DDX10: variants seen among roughly 807,000 people sequenced by gnomAD.
The protein encoded by DDX10 is probable ATP-dependent RNA helicase DDX10.
A neutral mutation model predicts 104.3 loss-of-function variants in DDX10; 74 were observed. That is an observed-to-expected ratio of 0.71 (90% CI 0.59 to 0.86). DDX10 has a LOEUF of 0.86. Among genes scored for constraint, DDX10 ranks in the 40% least tolerant of loss-of-function variants. The pLI is 0.00. For synonymous variants in DDX10, 351 were observed against 353.4 expected, an observed-to-expected ratio of 0.99 and a Z score of 0.08; for missense variants, 952 against 1,040.0, an observed-to-expected ratio of 0.92 and a Z score of 1.16.
intron 7 of DDX10, chr11:108,690,581 C>A: frequency 6.4e-6 from 1 of 155,712 alleles, no homozygotes; most frequent in South Asian, 1.7e-4. Flanking sequence ...TGGCTACCTC[C>A]TTGGAGCACC....
At chr11:108,801,638 C>T (rs1302014955) in intron 13 of DDX10, among the ~76,000 whole-genome samples, 1 of 152,184 alleles carries the variant, frequency 6.6e-6, no homozygotes, top group African/African-American at 2.4e-5. Flanking sequence ...ATGACCCCTT[C>T]CCCTGTTCTT....
rs148598406 is a variant in DDX10, at chr11:108,740,579, C to T, written c.1965+17117C>T. On this transcript the variant is annotated intron_variant, in intron 13 of 17. Coordinates refer to ENST00000322536, the MANE Select transcript of DDX10 (RefSeq NM_004398.4). ...ATCACCAAACTGCTTTCCACAGTGG[C>T]TGAACTAATTTACATTCCCACCAGC... Among the ~76,000 whole-genome samples, 503 of 152,238 alleles carry T rather than the reference C, an allele frequency of 3.3e-3. 1 individual carries two copies. The highest frequency in any genetic ancestry group is 5.5e-3 in the Non-Finnish European group (373 of 68,004).
chr11:108,774,786 C>T lies in DDX10; in HGVS notation c.1965+51324C>T, dbSNP rs76295439. On this transcript the variant is annotated intron_variant, in intron 13 of 17. Transcript: ENST00000322536. ...GGCTGTTAAATATGCTGTTTCATAC[C>T]GTTCTCCGGTATGCTTTGAGGATGG... 3.8e-3 allele frequency among the ~76,000 whole-genome samples: 573 copies of T among 152,108 alleles called. 5 individuals carry two copies. The East Asian group carries it at 0.046, about 12-fold the overall frequency.
chr11:108,762,675 T>G (rs2134517367), intron 13 of DDX10, among the ~76,000 whole-genome samples: 1 of 152,276 alleles, frequency 6.6e-6, no homozygotes, highest in South Asian at 2.1e-4. Flanking sequence ...AAGTAAATGA[T>G]CCTGATTAAA....
chr11:108,807,940 T>A (rs1238125872), intron 13 of DDX10, among the ~76,000 whole-genome samples: 1 of 152,174 alleles, frequency 6.6e-6, no homozygotes, highest in Non-Finnish European at 1.5e-5. Flanking sequence ...TAGAAAAGTG[T>A]CACGTTCTGA....
chr11:108,886,866 A>T (rs914736841), intron 16 of DDX10, among the ~76,000 whole-genome samples: 4 of 152,224 alleles, frequency 2.6e-5, no homozygotes, highest in Admixed American at 1.3e-4. Flanking sequence ...ATCTCATTCA[A>T]AACTGGTTTC....
intron 13 of DDX10, among the ~76,000 whole-genome samples, chr11:108,792,747 G>A (rs778108376): frequency 6.6e-6 from 1 of 151,954 alleles, no homozygotes. Flanking sequence ...TTTCACGTCC[G>A]TATATATTTT....
intron 10 of DDX10, 42 bp downstream of exon 10, chr11:108,706,879 G>C (rs370971487): frequency 2.0e-6 from 3 of 1,534,702 alleles, no homozygotes; most frequent in African/African-American, 2.7e-5. Context: ...GGAAAATGAG[G>C]GCATGAAATT....
intron 10 of DDX10, among the ~76,000 whole-genome samples, chr11:108,709,293 T>C (rs746043106): frequency 7.9e-5 from 12 of 152,218 alleles, no homozygotes; most frequent in Admixed American, 2.6e-4. Context: ...TTCTCCCCTG[T>C]AGTGGCCTCA....
intron 13 of DDX10, among the ~76,000 whole-genome samples, chr11:108,732,978 A>G (rs908394644): frequency 2.0e-4 from 30 of 152,318 alleles, no homozygotes; most frequent in Admixed American, 3.3e-4. Flanking sequence ...TTTTAGCTCA[A>G]CAAATGTCCT....
intron 13 of DDX10, among the ~76,000 whole-genome samples, chr11:108,742,748 C>G (rs1464187722): frequency 6.6e-6 from 1 of 152,136 alleles, no homozygotes; most frequent in Non-Finnish European, 1.5e-5. Context: ...AACCCTTAGA[C>G]TGTTATGTAC....
At chr11:108,933,296 G>C (rs1347125064) in intron 17 of DDX10, among the ~76,000 whole-genome samples, 1 of 150,670 alleles carries the variant, frequency 6.6e-6, no homozygotes, top group East Asian at 1.9e-4. Context: ...AAGGGTGAGA[G>C]ATTTTTGTTC....
At chr11:108,820,683 T>C (rs1482909153) in intron 13 of DDX10, among the ~76,000 whole-genome samples, 4 of 152,158 alleles carry the variant, frequency 2.6e-5, no homozygotes, top group Non-Finnish European at 5.9e-5. Context: ...GAGGAAGCCA[T>C]GGTCCTGTCA....
intron 13 of DDX10, among the ~76,000 whole-genome samples, chr11:108,806,662 TGTG>T (rs1862104891): frequency 6.6e-6 from 1 of 152,046 alleles, no homozygotes; most frequent in South Asian, 2.1e-4. Flanking sequence ...ATCCTTTAAA[TGTG>T]GTGGCCAGCA....
intron 13 of DDX10, among the ~76,000 whole-genome samples, chr11:108,816,142 G>T (rs1365189121): frequency 6.6e-6 from 1 of 151,860 alleles, no homozygotes; most frequent in Non-Finnish European, 1.5e-5. Context: ...TTCTTTCTTG[G>T]TTGTCTTTGC....
At chr11:108,835,451 T>G (rs753362696) in intron 13 of DDX10, among the ~76,000 whole-genome samples, 3 of 152,256 alleles carry the variant, frequency 2.0e-5, no homozygotes, top group Non-Finnish European at 4.4e-5. Flanking sequence ...TCTTGTGATG[T>G]GTATATAGTG....
At chr11:108,806,916 A>C (rs1220296793) in intron 13 of DDX10, among the ~76,000 whole-genome samples, 1 of 152,218 alleles carries the variant, frequency 6.6e-6, no homozygotes, top group Non-Finnish European at 1.5e-5. Context: ...AGCAGTGGTC[A>C]GGCTATGTGC....
At chr11:108,792,728 C>A (rs1452448783) in intron 13 of DDX10, among the ~76,000 whole-genome samples, 1 of 151,858 alleles carries the variant, frequency 6.6e-6, no homozygotes, top group Non-Finnish European at 1.5e-5. Context: ...TCTGGCTATT[C>A]TAGGTTCTTT....
intron 16 of DDX10, among the ~76,000 whole-genome samples, chr11:108,871,349 G>A (rs1299127982): frequency 1.3e-5 from 2 of 152,132 alleles, no homozygotes; most frequent in Admixed American, 1.3e-4. Context: ...AGCTTCTATG[G>A]GAAAGGGCAT....
Sources: allele counts gnomAD v4.1 joint callset (sites outside exome capture counted in the v4.1 genomes callset), GRCh38; gene constraint gnomAD v4.1.1; transcripts MANE v1.5; gene names NCBI Gene and HGNC (gene_info 2026-07-23, HGNC 2026-07-21).